Variants in TSPAN9 observed in about 807,000 individuals in gnomAD.
TSPAN9 encodes tetraspanin-9.
A neutral mutation model predicts 31.0 loss-of-function variants in TSPAN9; 16 were observed. The observed-to-expected ratio is 0.52, with a 90% CI of 0.35 to 0.78. The LOEUF (loss-of-function observed/expected upper bound fraction) is 0.78, where lower values mean the gene tolerates loss of function less well. Ranked by LOEUF, TSPAN9 falls within the 30% of genes least tolerant of loss-of-function variation. The pLI is 0.01. For missense variants in TSPAN9, 272 were observed against 312.5 expected (o/e 0.87, Z 0.98); for synonymous variants, 145 against 121.6 (o/e 1.19, Z -1.27).
intron 3 of TSPAN9, among the ~76,000 whole-genome samples, chr12:3,260,851 CA>C (rs1555159490): frequency 2.0e-5 from 3 of 152,182 alleles, no homozygotes; most frequent in Admixed American, 2.0e-4. Context: ...GCCCCAAAGA[CA>C]GGGGGTGTGT....
chr12:3,104,312 G>T (rs2098313208), intron 2 of TSPAN9, among the ~76,000 whole-genome samples: 1 of 151,672 alleles, frequency 6.6e-6, no homozygotes, highest in Non-Finnish European at 1.5e-5. Context: ...TAGAAAATCG[G>T]TAAGTGACAG....
At chr12:3,184,957 C>A (rs2098360386) in intron 2 of TSPAN9, among the ~76,000 whole-genome samples, 1 of 152,030 alleles carries the variant, frequency 6.6e-6, no homozygotes, top group Non-Finnish European at 1.5e-5. Flanking sequence ...AGGGAGGCAT[C>A]CTTGCTTTGT....
At chr12:3,270,305 C>A (rs1862649890) in intron 3 of TSPAN9, among the ~76,000 whole-genome samples, 1 of 152,150 alleles carries the variant, frequency 6.6e-6, no homozygotes, top group Admixed American at 6.5e-5. Context: ...CGTCCTGTAG[C>A]CTTTCTCCCA....
chr12:3,086,930 T>C (rs946230228), intron 2 of TSPAN9, among the ~76,000 whole-genome samples: 4 of 152,176 alleles, frequency 2.6e-5, no homozygotes, highest in Admixed American at 1.3e-4. Context: ...GGGGTGCACA[T>C]GTTGCTGGAA....
intron 2 of TSPAN9, among the ~76,000 whole-genome samples, chr12:3,154,143 C>A (rs888219450): frequency 6.6e-6 from 1 of 152,096 alleles, no homozygotes; most frequent in African/African-American, 2.4e-5. Context: ...TTTCCTAGAG[C>A]AATGAGGTAT....
At position 3,168,773 on chromosome 12, in the gene TSPAN9, C is replaced by T. The variant is rs937650400; in HGVS notation, c.-17-32404C>T. Among the ~76,000 whole-genome samples, 6 of 152,192 alleles carry T rather than the reference C, an allele frequency of 3.9e-5. No homozygotes were observed. Among genetic ancestry groups the T allele is most frequent in the African/African-American group, 9.6e-5 (4 of 41,466 alleles). Reference sequence around the variant, plus strand: ...GGAAGCTGAGGCCACTCTCCGCCCCCTCTCTTTTCTGTGTCTCCACCATAA... The same window carrying T: ...GGAAGCTGAGGCCACTCTCCGCCCCTTCTCTTTTCTGTGTCTCCACCATAA... On this transcript the variant is annotated intron_variant, in intron 2 of 8. Coordinates refer to ENST00000011898, the MANE Select transcript of TSPAN9 (RefSeq NM_006675.5). The surrounding 1 kb of genome is among the most constrained non-coding windows in gnomAD (Gnocchi z 4.0).
At chr12:3,181,026 C>T (rs1259035037) in intron 2 of TSPAN9, among the ~76,000 whole-genome samples, 2 of 149,566 alleles carry the variant, frequency 1.3e-5, no homozygotes, top group African/African-American at 2.5e-5. Flanking sequence ...AAGGAGGAGA[C>T]TGGACAGGGG....
At chr12:3,180,439 T>C (rs1296027302) in intron 2 of TSPAN9, among the ~76,000 whole-genome samples, 2 of 151,508 alleles carry the variant, frequency 1.3e-5, no homozygotes, top group African/African-American at 4.9e-5. Flanking sequence ...ATTGTACCAC[T>C]GCACTCCAGC....
chr12:3,110,805 C>T (rs2098318184), intron 2 of TSPAN9, among the ~76,000 whole-genome samples: 1 of 152,346 alleles, frequency 6.6e-6, no homozygotes, highest in African/African-American at 2.4e-5. Flanking sequence ...AAGTATTTAG[C>T]ATTGTTTCTG....
intron 3 of TSPAN9, among the ~76,000 whole-genome samples, chr12:3,212,752 C>G (rs994228647): frequency 2.6e-5 from 4 of 152,208 alleles, no homozygotes; most frequent in African/African-American, 4.8e-5. Context: ...AGGTATGGTG[C>G]TCAGTGCTCT....
At chr12:3,272,746 G>A (rs1253116852) in intron 3 of TSPAN9, among the ~76,000 whole-genome samples, 1 of 152,220 alleles carries the variant, frequency 6.6e-6, no homozygotes, top group East Asian at 1.9e-4. Flanking sequence ...AAGCAGCATG[G>A]AAGTGGGTGG....
At chr12:3,273,732 C>T (rs1365857523) in intron 3 of TSPAN9, among the ~76,000 whole-genome samples, 2 of 152,212 alleles carry the variant, frequency 1.3e-5, no homozygotes, top group East Asian at 1.9e-4. Flanking sequence ...GCACCCTCTC[C>T]CTGCCCGCTG....
At chr12:3,099,453 T>C (rs899550862) in intron 2 of TSPAN9, among the ~76,000 whole-genome samples, 1 of 152,232 alleles carries the variant, frequency 6.6e-6, no homozygotes, top group East Asian at 1.9e-4. Context: ...TTACAATACT[T>C]GTTTATTTCA....
intron 3 of TSPAN9, among the ~76,000 whole-genome samples, chr12:3,207,666 G>A (rs2335665): frequency 0.67 from 101,665 of 152,006 alleles, 34,155 homozygotes; most frequent in Middle Eastern, 0.77. Flanking sequence ...TGAGGCTCCC[G>A]GGAGAACTGG....
At position 3,281,315 on chromosome 12, in the gene TSPAN9, C is replaced by T. The variant is rs1862889875; in HGVS notation, c.550C>T (p.Pro184Ser). Residue 184 changes from proline (P) to serine (S), a missense_variant, in exon 7 of 9, where the codon CCT becomes TCT. Pro to Ser is a moderately conservative substitution (Grantham distance 74, BLOSUM62 -1). Transcript: ENST00000011898. ...SQGCGRNATT[P>S]LWRTGCYEKV... The stretch of plus-strand genomic sequence containing the variant: ...GGGCTGCGGGCGCAACGCCACCACG[C>T]CTTTGTGGAGAACGGTGAGGCTGGG... 6.4e-7 allele frequency: 1 copy of T among 1,550,450 alleles called. No individual in the cohort carries two copies. The highest frequency in any genetic ancestry group is 1.4e-5 in the African/African-American group (1 of 73,112).
chr12:3,237,060 C>T (rs1471337862), intron 3 of TSPAN9, among the ~76,000 whole-genome samples: 1 of 152,162 alleles, frequency 6.6e-6, no homozygotes, highest in Non-Finnish European at 1.5e-5. Flanking sequence ...TTGAATGACT[C>T]ATCAGGGAGG....
At chr12:3,081,884 T>G (rs969359686) in intron 1 of TSPAN9, among the ~76,000 whole-genome samples, 4 of 145,272 alleles carry the variant, frequency 2.8e-5, no homozygotes, top group Admixed American at 2.1e-4. Flanking sequence ...CCTGTGGACC[T>G]ATGGTCCCAG....
At chr12:3,154,008 A>ATGTGTGTGTGTGTGTG (rs1217236640) in intron 2 of TSPAN9, among the ~76,000 whole-genome samples, 2 of 56,234 alleles carry the variant, frequency 3.6e-5, no homozygotes, top group South Asian at 1.2e-3. Flanking sequence ...TATTATATAT[A>ATGTGTGTGTGTGTGTG]TATGTGTGTG....
chr12:3,256,393 C>A (rs1053035053), intron 3 of TSPAN9, among the ~76,000 whole-genome samples: 2 of 152,236 alleles, frequency 1.3e-5, no homozygotes, highest in African/African-American at 4.8e-5. Context: ...GCAGTCGCAG[C>A]CAGCATGACG....
Sources: allele counts gnomAD v4.1 joint callset (sites outside exome capture counted in the v4.1 genomes callset), GRCh38; gene constraint gnomAD v4.1.1; non-coding constraint Gnocchi (gnomAD v3.1); transcripts MANE v1.5; gene names NCBI Gene and HGNC (gene_info 2026-07-23, HGNC 2026-07-21).